Variants in WDPCP observed in about 807,000 individuals in gnomAD.
WDPCP encodes WD repeat containing planar cell polarity effector.
A neutral mutation model predicts 93.1 loss-of-function variants in WDPCP; 71 were observed. That is an observed-to-expected ratio of 0.76 (90% CI 0.63 to 0.93). WDPCP has a LOEUF of 0.93. WDPCP is among the 40% of genes least tolerant of loss of function. The pLI is 0.00. For synonymous variants in WDPCP, 315 were observed against 315.0 expected, an observed-to-expected ratio of 1.00 and a Z score of 0.00; for missense variants, 844 against 887.4, an observed-to-expected ratio of 0.95 and a Z score of 0.62.
chr2:63,634,354 T>G (rs1410156623), intron 3 of WDPCP, among the ~76,000 whole-genome samples: 9 of 152,204 alleles, frequency 5.9e-5, no homozygotes, highest in African/African-American at 1.9e-4. Flanking sequence ...CACCCAGTAT[T>G]GGAACACACA....
intron 1 of WDPCP, among the ~76,000 whole-genome samples, chr2:63,550,215 AC>A (rs1705492172): frequency 6.6e-6 from 1 of 151,338 alleles, no homozygotes; most frequent in Admixed American, 6.6e-5. Context: ...ACACACACAC[AC>A]ACACACACAC....
intron 9 of WDPCP, among the ~76,000 whole-genome samples, chr2:63,409,651 G>T (rs1276876839): frequency 6.6e-6 from 1 of 152,116 alleles, no homozygotes. Context: ...TTCGAAAAAC[G>T]ATAGAAGTGA....
chr2:63,586,636 T>C (rs1708861051), intron 1 of WDPCP, among the ~76,000 whole-genome samples: 2 of 152,346 alleles, frequency 1.3e-5, no homozygotes, highest in Non-Finnish European at 2.9e-5. Flanking sequence ...CAATCAGTGC[T>C]AATATGCTCC....
At chr2:63,488,773 C>G (rs1388329590) in intron 2 of WDPCP, among the ~76,000 whole-genome samples, 2 of 152,116 alleles carry the variant, frequency 1.3e-5, no homozygotes, top group Non-Finnish European at 2.9e-5. Flanking sequence ...TTATACTCAT[C>G]ATTCCATACA....
intron 2 of WDPCP, among the ~76,000 whole-genome samples, chr2:63,662,639 CAGAGAGAGAG>C (rs3077036): frequency 6.8e-6 from 1 of 147,114 alleles, no homozygotes; most frequent in Non-Finnish European, 1.5e-5. Context: ...TCATCTCTTC[CAGAGAGAGAG>C]AGAGAGAGAG....
intron 8 of WDPCP, among the ~76,000 whole-genome samples, chr2:63,435,624 A>C (rs549941364): frequency 1.3e-5 from 2 of 152,274 alleles, no homozygotes; most frequent in Non-Finnish European, 2.9e-5. Context: ...TACGTTATGA[A>C]ATGTTAGGAA....
At chr2:63,671,839 G>A (rs1710351796) in intron 2 of WDPCP, among the ~76,000 whole-genome samples, 1 of 152,112 alleles carries the variant, frequency 6.6e-6, no homozygotes, top group South Asian at 2.1e-4. Context: ...CTAAATCAGT[G>A]CTTACTCAAT....
chr2:63,804,743 T>C (rs1316266576), intron 2 of WDPCP, among the ~76,000 whole-genome samples: 1 of 151,696 alleles, frequency 6.6e-6, no homozygotes, highest in African/African-American at 2.4e-5. Flanking sequence ...AAAGCGTCCA[T>C]GTTGGGCCGG....
chr2:63,381,943 G>T lies in WDPCP; in HGVS notation c.1587C>A (p.Asn529Lys). 1.9e-6 allele frequency: 3 copies of T among 1,613,452 alleles called. No individual in the cohort carries two copies. The highest frequency in any genetic ancestry group is 2.5e-6 in the Non-Finnish European group (3 of 1,179,684). ...QCFISMSAIVNHLLRQKLTPE... is the reference protein window; with the variant it reads ...QCFISMSAIVKHLLRQKLTPE... ...GAGTGAGCTTCTGTCTAAGAAGATG[G>T]TTTACAATGGCGCTCATGCTGATAA... The change falls in exon 11 of 18, where the codon AAC (asparagine) becomes AAA (lysine). Residue 529 changes from asparagine to lysine, a missense_variant. Coordinates refer to ENST00000272321, the MANE Select transcript of WDPCP (RefSeq NM_015910.7).
intron 2 of WDPCP, among the ~76,000 whole-genome samples, chr2:63,683,731 C>T (rs983740114): frequency 1.9e-4 from 29 of 152,032 alleles, no homozygotes; most frequent in African/African-American, 6.3e-4. Flanking sequence ...CGCCTGTAGT[C>T]CCAGCTACTT....
intron 1 of WDPCP, among the ~76,000 whole-genome samples, chr2:63,502,499 G>C (rs1701618778): frequency 6.6e-6 from 1 of 152,076 alleles, no homozygotes; most frequent in African/African-American, 2.4e-5. Context: ...CAAGTTTTAA[G>C]TTGTTGCCAA....
intron 17 of WDPCP, among the ~76,000 whole-genome samples, chr2:63,144,241 T>C (rs919348592): frequency 6.6e-6 from 1 of 151,474 alleles, no homozygotes; most frequent in Non-Finnish European, 1.5e-5. Flanking sequence ...TTGGTGAGAC[T>C]TTCCAGAGCA....
Position 63,433,796 on chromosome 2 carries a change from C to G in WDPCP, c.774G>C (p.Glu258Asp). The change falls in exon 9 of 18, where the codon GAG becomes GAC. Residue 258 changes from glutamate (E) to aspartate (D), a missense_variant. Physicochemically the swap from Glu to Asp is conservative, Grantham distance 45. Transcript: ENST00000272321. ...DAWPWAPISS[E>D]KDRANLLLLG... Reference sequence around the variant, plus strand: ...GGAGGAGTAGATTGGCTCTGTCCTTCTCAGAAGAAATGGGGGCCCAAGGCC... The same window carrying G: ...GGAGGAGTAGATTGGCTCTGTCCTTGTCAGAAGAAATGGGGGCCCAAGGCC... 1 of 1,612,368 alleles carries G rather than the reference C, an allele frequency of 6.2e-7. No individual in the cohort carries two copies. Among genetic ancestry groups the G allele is most frequent in the Non-Finnish European group, 8.5e-7 (1 of 1,178,470 alleles).
At chr2:63,618,052 A>G (rs180748197) in intron 3 of WDPCP, among the ~76,000 whole-genome samples, 2 of 152,248 alleles carry the variant, frequency 1.3e-5, no homozygotes, top group Non-Finnish European at 2.9e-5. Context: ...CATTGATAAA[A>G]AAATGCATTT....
upstream of WDPCP, chr2:63,589,295 G>A (rs914231564): frequency 1.2e-5 from 18 of 1,550,762 alleles, no homozygotes; most frequent in Non-Finnish European, 1.6e-5. Flanking sequence ...GGAGAGGAGC[G>A]ATCTTAATCC....
chr2:63,278,353 C>A (rs898641856), intron 13 of WDPCP, among the ~76,000 whole-genome samples: 1 of 152,046 alleles, frequency 6.6e-6, no homozygotes. Context: ...CCTCATGGAA[C>A]TGGACAAAGA....
intron 2 of WDPCP, among the ~76,000 whole-genome samples, chr2:63,805,714 C>T (rs1670754726): frequency 6.6e-6 from 1 of 152,152 alleles, no homozygotes; most frequent in Non-Finnish European, 1.5e-5. Context: ...GAATAAAATC[C>T]TCCATTTCAT....
At chr2:63,504,733 AACTTTT>A (rs1257586207) in intron 1 of WDPCP, among the ~76,000 whole-genome samples, 1 of 152,060 alleles carries the variant, frequency 6.6e-6, no homozygotes, top group Non-Finnish European at 1.5e-5. Flanking sequence ...TCTTCTGACC[AACTTTT>A]ACTTTAATTT....
chr2:63,607,843 GAAGAA>G (rs1231365023), intron 3 of WDPCP, among the ~76,000 whole-genome samples: 28 of 145,508 alleles, frequency 1.9e-4, no homozygotes, highest in African/African-American at 6.1e-4. Context: ...AAAAAAAAAA[GAAGAA>G]AAGAAAACAA....
Sources: gnomAD v4.1 joint callset for allele counts (sites outside exome capture counted in the v4.1 genomes callset) on GRCh38, gnomAD v4.1.1 for gene constraint, MANE v1.5 for transcripts, NCBI Gene and HGNC (gene_info 2026-07-23, HGNC 2026-07-21) for gene names.